TLN2: variants seen among roughly 807,000 people sequenced by gnomAD.
TLN2 encodes the protein talin 2.
In TLN2, 118 loss-of-function variants were observed where a neutral mutation model predicts 294.7. That is an observed-to-expected ratio of 0.40 (90% CI 0.34 to 0.47). The LOEUF (loss-of-function observed/expected upper bound fraction) is 0.47. Ranked by LOEUF, TLN2 falls within the 20% of genes least tolerant of loss-of-function variation. The probability of loss-of-function intolerance (pLI) is 0.84; values close to 1 mark genes in which losing one functional copy is unlikely to be tolerated. For missense variants in TLN2, 3,083 were observed against 3,282.2 expected (o/e 0.94, Z 1.48); for synonymous variants, 1,431 against 1,304.5 (o/e 1.10, Z -2.09).
At position 62,816,417 on chromosome 15, in the gene TLN2, A is replaced by T. The variant is rs149416933; in HGVS notation, c.6772-3099A>T. ...TCCTTGCTTCCACTGGCAGAGCTTT[A>T]ATTTGGATCTGTCTGTTGTCTGCTA... On this transcript the variant is annotated intron_variant, in intron 52 of 58. Coordinates refer to ENST00000636159, the MANE Select transcript of TLN2 (RefSeq NM_015059.3). 9.8e-4 allele frequency among the ~76,000 whole-genome samples: 150 copies of T among 152,314 alleles called. 1 individual carries two copies. In the East Asian group the frequency reaches 0.023, roughly 23 times the overall value.
At chr15:62,747,432 A>G (rs914496480) in intron 32 of TLN2, among the ~76,000 whole-genome samples, 14 of 152,212 alleles carry the variant, frequency 9.2e-5, no homozygotes, top group African/African-American at 3.4e-4. Flanking sequence ...AATCATATAG[A>G]ATTTAATGGA....
At chr15:62,772,429 AAG>A (rs1403844234) in intron 42 of TLN2, among the ~76,000 whole-genome samples, 2 of 152,084 alleles carry the variant, frequency 1.3e-5, no homozygotes, top group African/African-American at 4.8e-5. Context: ...TGAGAAAAAA[AAG>A]AATACTCTTT....
At chr15:62,626,837 T>C (rs2049330393) in intron 3 of TLN2, among the ~76,000 whole-genome samples, 1 of 152,218 alleles carries the variant, frequency 6.6e-6, no homozygotes, top group Non-Finnish European at 1.5e-5. Flanking sequence ...GGTTGACATA[T>C]GGATGAAACT....
rs541705811 is a variant in TLN2 at position 62,412,532 on chromosome 15, GT to G, written c.-238+21848del. ...TTGGCACGACTGGGACCACCCAAAT[GT>G]GTCACAATTCTTGGCATCCATTAAC... On this transcript the variant is annotated intron_variant, in intron 1 of 58. Transcript: ENST00000636159. Among the ~76,000 whole-genome samples, 19 of 152,318 alleles carry G rather than the reference GT, an allele frequency of 1.2e-4. No individual in the cohort carries two copies. The East Asian group carries it at 3.3e-3, about 26-fold the overall frequency.
At chr15:62,692,608 A>G (rs1312822239) in intron 12 of TLN2, among the ~76,000 whole-genome samples, 2 of 152,084 alleles carry the variant, frequency 1.3e-5, no homozygotes, top group African/African-American at 4.8e-5. Context: ...ACTCAACCAC[A>G]TTGTGGTTTT....
intron 46 of TLN2, 40 bp from the exon 47 acceptor site, chr15:62,796,087 C>G: frequency 6.2e-7 from 1 of 1,605,346 alleles, no homozygotes; most frequent in Non-Finnish European, 8.5e-7. Context: ...CCTGTTCTCT[C>G]CATTTCTTAG....
chr15:62,568,074 G>A (rs1039953529), intron 1 of TLN2, among the ~76,000 whole-genome samples: 1 of 152,088 alleles, frequency 6.6e-6, no homozygotes, highest in Admixed American at 6.6e-5. Context: ...GCATTTTTAT[G>A]TCCCTAATTA....
chr15:62,492,518 T>G (rs2140411282), intron 1 of TLN2, among the ~76,000 whole-genome samples: 1 of 132,680 alleles, frequency 7.5e-6, no homozygotes, highest in Admixed American at 8.9e-5. Flanking sequence ...ATGGCGCCCC[T>G]GGGCGACAGA....
intron 58 of TLN2, among the ~76,000 whole-genome samples, chr15:62,839,482 C>T (rs143201439): frequency 6.6e-6 from 1 of 152,206 alleles, no homozygotes; most frequent in East Asian, 1.9e-4. Flanking sequence ...CCACTGCAGA[C>T]ATTTGGCCCT....
chr15:62,549,123 T>C (rs1047298593), intron 1 of TLN2, among the ~76,000 whole-genome samples: 3 of 152,132 alleles, frequency 2.0e-5, no homozygotes, highest in African/African-American at 7.2e-5. Context: ...TGCCTTTAAT[T>C]GAGACCCTAC....
chr15:62,560,776 C>T (rs568446938), intron 1 of TLN2, among the ~76,000 whole-genome samples: 1 of 152,330 alleles, frequency 6.6e-6, no homozygotes, highest in South Asian at 2.1e-4. Flanking sequence ...GCCTGAATTG[C>T]ATAATGAAGG....
intron 1 of TLN2, among the ~76,000 whole-genome samples, chr15:62,571,591 T>A (rs1290008415): frequency 2.0e-5 from 3 of 152,220 alleles, no homozygotes; most frequent in African/African-American, 4.8e-5. Flanking sequence ...TGTTGCCTCC[T>A]GTTTGTTTTT....
At chr15:62,509,215 G>A (rs1473976941) in intron 1 of TLN2, among the ~76,000 whole-genome samples, 2 of 152,166 alleles carry the variant, frequency 1.3e-5, no homozygotes, top group African/African-American at 4.8e-5. Context: ...GAGTGGTTCA[G>A]GATCTTGGAC....
chr15:62,823,295 A>G (rs763661722), intron 54 of TLN2, among the ~76,000 whole-genome samples: 1 of 152,218 alleles, frequency 6.6e-6, no homozygotes, highest in South Asian at 2.1e-4. Flanking sequence ...GCACATTGCA[A>G]TAACTTTTGC....
intron 1 of TLN2, among the ~76,000 whole-genome samples, chr15:62,542,975 A>G (rs2041786481): frequency 6.6e-6 from 1 of 152,192 alleles, no homozygotes; most frequent in Non-Finnish European, 1.5e-5. Context: ...TGGACTGGCT[A>G]CAGTGACTTG....
At chr15:62,781,960 G>A (rs967832000) in intron 44 of TLN2, among the ~76,000 whole-genome samples, 1 of 152,232 alleles carries the variant, frequency 6.6e-6, no homozygotes, top group Non-Finnish European at 1.5e-5. Flanking sequence ...GATGACAAAT[G>A]TTGTCTTCAA....
chr15:62,777,444 G>T (rs553589796), intron 43 of TLN2, among the ~76,000 whole-genome samples: 1 of 151,612 alleles, frequency 6.6e-6, no homozygotes, highest in Admixed American at 6.6e-5. Flanking sequence ...GCTGAGGCAG[G>T]AGAATCGCTT....
chr15:62,640,346 C>T (rs771824390), intron 3 of TLN2: 95 of 456,664 alleles, frequency 2.1e-4, no homozygotes, highest in Non-Finnish European at 1.3e-4. Context: ...CAGGAGGTCA[C>T]GGTGGAGAGT....
chr15:62,595,074 A>C (rs34615433), intron 2 of TLN2, among the ~76,000 whole-genome samples: 2,873 of 152,318 alleles, frequency 0.019, 38 homozygotes, highest in Middle Eastern at 0.058. Flanking sequence ...GGAAATGAAA[A>C]TTAAAACCAC....
Sources: allele counts gnomAD v4.1 joint callset (sites outside exome capture counted in the v4.1 genomes callset), GRCh38; gene constraint gnomAD v4.1.1; transcripts MANE v1.5; gene names NCBI Gene and HGNC (gene_info 2026-07-23, HGNC 2026-07-21).